SUMF1: variants seen among roughly 807,000 people sequenced by gnomAD.
SUMF1 encodes the protein sulfatase modifying factor 1.
In SUMF1, 48 loss-of-function variants were observed where a neutral mutation model predicts 47.6. That is an observed-to-expected ratio of 1.01 (90% CI 0.80 to 1.28). The LOEUF (loss-of-function observed/expected upper bound fraction) is 1.28. SUMF1 is among the 50% of genes most tolerant of loss of function. The pLI, the probability that SUMF1 is intolerant of heterozygous loss-of-function variation, is 0.00. For synonymous variants in SUMF1, 230 were observed against 192.1 expected, an observed-to-expected ratio of 1.20 and a Z score of -1.63; for missense variants, 571 against 485.4, an observed-to-expected ratio of 1.18 and a Z score of -1.66.
intron 8 of SUMF1, among the ~76,000 whole-genome samples, chr3:4,256,049 G>A (rs1207257032): frequency 6.6e-6 from 1 of 150,552 alleles, no homozygotes; most frequent in Non-Finnish European, 1.5e-5. Context: ...CAGAAATAAA[G>A]ATGTTCTTTG....
chr3:4,354,767 T>G (rs537936171), intron 8 of SUMF1, among the ~76,000 whole-genome samples: 1 of 152,372 alleles, frequency 6.6e-6, no homozygotes, highest in South Asian at 2.1e-4. Flanking sequence ...GGTAGTACCT[T>G]CCTGCTCCTT....
At chr3:4,185,823 C>G (rs1262579451) in intron 8 of SUMF1, among the ~76,000 whole-genome samples, 2 of 152,138 alleles carry the variant, frequency 1.3e-5, no homozygotes, top group Admixed American at 6.5e-5. Context: ...ATAGATAATA[C>G]TGGCTTGAAC....
chr3:4,132,623 C>A (rs60505812), intron 8 of SUMF1, among the ~76,000 whole-genome samples: 3,656 of 152,140 alleles, frequency 0.024, 230 homozygotes, highest in East Asian at 0.15. Flanking sequence ...GTTCTGCTGG[C>A]CTAGACGTCT....
chr3:4,133,744 C>A (rs1274156849), intron 8 of SUMF1, among the ~76,000 whole-genome samples: 1 of 152,068 alleles, frequency 6.6e-6, no homozygotes, highest in African/African-American at 2.4e-5. Context: ...TCCTCAGCCT[C>A]CAGATGGCCT....
intron 8 of SUMF1, among the ~76,000 whole-genome samples, chr3:4,212,092 T>A (rs1236684687): frequency 6.6e-6 from 1 of 152,136 alleles, no homozygotes. Context: ...AGGGTCAGAT[T>A]GTCTCTTCAA....
chr3:4,249,927 A>T (rs879265650), intron 8 of SUMF1, among the ~76,000 whole-genome samples: 2 of 152,184 alleles, frequency 1.3e-5, no homozygotes, highest in African/African-American at 2.4e-5. Context: ...TCATGCCTCT[A>T]ATCCCAGCAC....
rs1244143710 is a variant in SUMF1 at position 4,175,472 on chromosome 3, A to G, written c.1015-106727T>C. Among the ~76,000 whole-genome samples the G allele has an allele frequency of 2.0e-5, 3 of 152,164 alleles. No individual in the cohort carries two copies. In the East Asian group the frequency reaches 5.8e-4, roughly 29 times the overall value. ...CCTGACTGTTAGAAGGAAAACTAAC[A>G]AACAAAAAGCAATAGCATCAACATC... On this transcript the variant is annotated intron_variant and NMD_transcript_variant, in intron 8 of 12. Coordinates refer to the SUMF1 transcript ENST00000448413.
At chr3:4,253,312 G>T (rs546402199) in intron 8 of SUMF1, among the ~76,000 whole-genome samples, 2 of 152,210 alleles carry the variant, frequency 1.3e-5, no homozygotes, top group African/African-American at 2.4e-5. Flanking sequence ...CGTGAGTGAC[G>T]CAGAAGACAG....
chr3:4,264,330 G>C (rs1697145899), intron 8 of SUMF1, among the ~76,000 whole-genome samples: 1 of 152,150 alleles, frequency 6.6e-6, no homozygotes, highest in Non-Finnish European at 1.5e-5. Flanking sequence ...GGAAGGAGCA[G>C]TGAGACTTTT....
At chr3:4,386,676 T>A (rs972002253) in intron 7 of SUMF1, among the ~76,000 whole-genome samples, 12 of 152,094 alleles carry the variant, frequency 7.9e-5, no homozygotes, top group African/African-American at 2.9e-4. Flanking sequence ...AGTTACCTTT[T>A]TCCCAATATT....
rs185411562 is a variant in SUMF1 at position 4,444,037 on chromosome 3, T to C, written c.519+5229A>G. 7.9e-5 allele frequency among the ~76,000 whole-genome samples: 12 copies of C among 152,158 alleles called. No homozygotes were observed. In the East Asian group the frequency reaches 2.3e-3, roughly 29 times the overall value. ...CACACAGTCTAGTGAAATCACTGGA[T>C]ACTAAAGAACAAGAAAAAGGAAAAT... is the stretch of plus-strand genomic sequence containing the variant. On this transcript the variant is annotated intron_variant, in intron 3 of 8. Coordinates refer to ENST00000272902, the MANE Select transcript of SUMF1 (RefSeq NM_182760.4).
chr3:4,221,646 A>G (rs933613715), intron 8 of SUMF1, among the ~76,000 whole-genome samples: 14 of 152,160 alleles, frequency 9.2e-5, no homozygotes, highest in Admixed American at 3.9e-4. Flanking sequence ...TACTAAATGA[A>G]TGCCAATTAT....
chr3:4,056,402 G>A (rs1480229963), intron 9 of SUMF1, among the ~76,000 whole-genome samples: 1 of 152,068 alleles, frequency 6.6e-6, no homozygotes, highest in Admixed American at 6.6e-5. Context: ...GGTCAGACAT[G>A]GTGGTTCATG....
At chr3:4,241,762 T>C (rs949279698) in intron 8 of SUMF1, among the ~76,000 whole-genome samples, 1 of 152,112 alleles carries the variant, frequency 6.6e-6, no homozygotes, top group Non-Finnish European at 1.5e-5. Context: ...AGCAGTTTAA[T>C]AGGCAAAAGA....
intron 3 of SUMF1, among the ~76,000 whole-genome samples, chr3:4,423,650 TATA>T (rs1229636571): frequency 6.6e-6 from 1 of 152,228 alleles, no homozygotes; most frequent in Non-Finnish European, 1.5e-5. Flanking sequence ...TTATTTTACA[TATA>T]ATAATTGATA....
Position 4,420,048 on chromosome 3 carries a change from G to C in SUMF1, c.602+16C>G, listed in dbSNP as rs770934304. The C allele has an allele frequency of 3.1e-6, 5 of 1,612,790 alleles. No individual in the cohort carries two copies. The highest frequency in any genetic ancestry group is 4.2e-6 in the Non-Finnish European group (5 of 1,178,780). On this transcript the variant is annotated intron_variant, in intron 4 of 8. Transcript: ENST00000272902. ...CAATGGAACTTGTCAACTGGGGAAAGAGGGACCAGCCTCACCTGTGCAGAA... is the reference window on the plus strand; with the variant it reads ...CAATGGAACTTGTCAACTGGGGAAACAGGGACCAGCCTCACCTGTGCAGAA...
At chr3:4,053,887 T>C (rs1266111633) in intron 9 of SUMF1, among the ~76,000 whole-genome samples, 1 of 152,062 alleles carries the variant, frequency 6.6e-6, no homozygotes, top group Non-Finnish European at 1.5e-5. Flanking sequence ...ATGAAAAACA[T>C]AACACCTATG....
At chr3:4,366,901 G>C (rs1021304773) in intron 8 of SUMF1, among the ~76,000 whole-genome samples, 2 of 152,102 alleles carry the variant, frequency 1.3e-5, no homozygotes, top group Non-Finnish European at 2.9e-5. Context: ...TTTTGGTGTG[G>C]ACGTCCTTTC....
chr3:4,163,771 A>G (rs143035735), intron 8 of SUMF1, among the ~76,000 whole-genome samples: 77 of 152,248 alleles, frequency 5.1e-4, no homozygotes, highest in Middle Eastern at 6.8e-3. Context: ...AAGGGAGATC[A>G]AGATGTATTG....
Sources: gnomAD v4.1 joint callset for allele counts (sites outside exome capture counted in the v4.1 genomes callset) on GRCh38, gnomAD v4.1.1 for gene constraint, MANE v1.5 for transcripts, NCBI Gene and HGNC (gene_info 2026-07-23, HGNC 2026-07-21) for gene names.